TLK2: variants seen among roughly 807,000 people sequenced by gnomAD.
TLK2 encodes the protein serine/threonine-protein kinase tousled-like 2.
Under a neutral mutation model 117.3 loss-of-function variants are expected in TLK2, and 6 were observed. That is an observed-to-expected ratio of 0.05 (90% CI 0.03 to 0.10). The LOEUF (loss-of-function observed/expected upper bound fraction) is 0.10, where lower values mean the gene tolerates loss of function less well. Ranked by LOEUF, TLK2 falls within the 10% of genes least tolerant of loss-of-function variation. The pLI, the probability that TLK2 is intolerant of heterozygous loss-of-function variation, is 1.00. For synonymous variants in TLK2, 257 were observed against 316.7 expected (o/e 0.81, Z 2.00); for missense variants, 299 against 901.2 (o/e 0.33, Z 8.56).
intron 7 of TLK2, among the ~76,000 whole-genome samples, chr17:62,544,412 A>G (rs1485947969): frequency 6.6e-6 from 1 of 152,196 alleles, no homozygotes; most frequent in African/African-American, 2.4e-5. Context: ...GCACTTTTAA[A>G]CCATCAGATC....
chr17:62,495,439 G>A (rs1330879781), intron 2 of TLK2, among the ~76,000 whole-genome samples: 1 of 151,278 alleles, frequency 6.6e-6, no homozygotes, highest in African/African-American at 2.4e-5. Flanking sequence ...TTTTTAGATA[G>A]GGTCTCACTC....
chr17:62,585,309 G>A (rs1432698529), intron 15 of TLK2, among the ~76,000 whole-genome samples: 2 of 152,232 alleles, frequency 1.3e-5, no homozygotes, highest in African/African-American at 4.8e-5. Flanking sequence ...TTGGGAGGCC[G>A]AAGCGGGGCG....
chr17:62,539,065 G>C (rs2077318728), intron 7 of TLK2, among the ~76,000 whole-genome samples: 1 of 152,130 alleles, frequency 6.6e-6, no homozygotes, highest in African/African-American at 2.4e-5. Flanking sequence ...CTTGGTGTAG[G>C]TGATAGTTTA....
chr17:62,606,049 ATATTT>A (rs1194209421), intron 19 of TLK2, 76 bp from the exon 20 acceptor site: 12 of 492,352 alleles, frequency 2.4e-5, no homozygotes, highest in Middle Eastern at 4.7e-4. Context: ...TTTCAACAAG[ATATTT>A]TATTTTGTCT....
At chr17:62,479,838 C>A (rs1413732005) in intron 1 of TLK2, among the ~76,000 whole-genome samples, 1 of 152,216 alleles carries the variant, frequency 6.6e-6, no homozygotes, top group Non-Finnish European at 1.5e-5. Context: ...GGAAGTGTTG[C>A]GAGAGACCTT....
At chr17:62,474,691 G>C (rs551943276), upstream of TLK2, among the ~76,000 whole-genome samples, 13 of 152,010 alleles carry the variant, frequency 8.6e-5, no homozygotes, top group Admixed American at 2.6e-4. Context: ...TACAGGTGTT[G>C]AGCCACCGCG....
chr17:62,490,511 C>G (rs996977471), intron 2 of TLK2, among the ~76,000 whole-genome samples: 5 of 152,088 alleles, frequency 3.3e-5, no homozygotes, highest in Non-Finnish European at 7.4e-5. Context: ...TCCCAGGCCT[C>G]TTAAATTATA....
At chr17:62,535,419 C>G (rs1323667195) in intron 6 of TLK2, among the ~76,000 whole-genome samples, 1 of 152,000 alleles carries the variant, frequency 6.6e-6, no homozygotes. Context: ...ATTTTTGCAT[C>G]TAAATATAGT....
intron 15 of TLK2, among the ~76,000 whole-genome samples, chr17:62,581,166 C>A (rs2081189814): frequency 6.6e-6 from 1 of 151,936 alleles, no homozygotes; most frequent in Non-Finnish European, 1.5e-5. Flanking sequence ...GCCCAGTGCA[C>A]TAATTTTTAA....
chr17:62,538,277 C>G (rs1319510646), intron 7 of TLK2, among the ~76,000 whole-genome samples: 1 of 151,972 alleles, frequency 6.6e-6, no homozygotes, highest in Admixed American at 6.6e-5. Context: ...CCTCGTGATC[C>G]GCCCGCCTCA....
chr17:62,497,037 C>T (rs2073766433), intron 2 of TLK2, among the ~76,000 whole-genome samples: 1 of 151,566 alleles, frequency 6.6e-6, no homozygotes, highest in East Asian at 1.9e-4. Context: ...GCAAGAGGAC[C>T]ATTGAGCCTA....
chr17:62,549,416 A>T lies in TLK2; in HGVS notation c.532-2886A>T, dbSNP rs1598511649. Among the ~76,000 whole-genome samples the T allele has an allele frequency of 8.4e-4, 27 of 31,994 alleles. 2 individuals are homozygous for T. The highest frequency in any genetic ancestry group is 1.1e-3 in the African/African-American group (14 of 12,488). The allele number at this position is 31,994 out of a possible 152,430, so 21.0% of individuals were successfully genotyped here. A position where few individuals can be genotyped will look rare whatever the true frequency, so the allele number is the denominator to read the frequency against. On this transcript the variant is annotated intron_variant, in intron 7 of 21. Coordinates refer to ENST00000346027, the MANE Select transcript of TLK2 (RefSeq NM_006852.6). Reference sequence around the variant, plus strand: ...TCCATCTCAAAAAAAAAAAAAAAAAAAAAAAAAAAAAAAAAAAAAAATAGA... The same window carrying T: ...TCCATCTCAAAAAAAAAAAAAAAAATAAAAAAAAAAAAAAAAAAAAATAGA...
At chr17:62,586,004 A>T in intron 15 of TLK2, 131 bp from the exon 16 acceptor site, 1 of 631,044 alleles carries the variant, frequency 1.6e-6, no homozygotes, top group Non-Finnish European at 2.7e-6. Flanking sequence ...TGCAACACTG[A>T]TATAAGTATG....
intron 7 of TLK2, among the ~76,000 whole-genome samples, chr17:62,545,668 A>G (rs16969308): frequency 0.044 from 6,636 of 152,154 alleles, 156 homozygotes; most frequent in Middle Eastern, 0.11. Flanking sequence ...AGAGGTGGTC[A>G]TTTTTTAGGT....
chr17:62,495,761 C>T (rs368367828), intron 2 of TLK2, among the ~76,000 whole-genome samples: 1 of 151,168 alleles, frequency 6.6e-6, no homozygotes, highest in African/African-American at 2.4e-5. Context: ...CAGGTTCAAG[C>T]GATTCTCCTG....
chr17:62,574,186 T>C (rs1171732711), intron 12 of TLK2, among the ~76,000 whole-genome samples: 1 of 152,216 alleles, frequency 6.6e-6, no homozygotes, highest in Non-Finnish European at 1.5e-5. Context: ...ATTATATTAT[T>C]GTTAAAAGTC....
At chr17:62,587,773 A>G (rs1211398434) in intron 16 of TLK2, among the ~76,000 whole-genome samples, 2 of 152,142 alleles carry the variant, frequency 1.3e-5, no homozygotes, top group East Asian at 1.9e-4. Context: ...TGTAGGGATG[A>G]GTGGCACACC....
Position 62,520,885 on chromosome 17 carries a change from C to T in TLK2, c.153+41C>T, listed in dbSNP as rs200903861. On this transcript the variant is annotated intron_variant, in intron 3 of 21. Transcript: ENST00000346027. ...CATGGCAGGACTTTTCATACTTGTA[C>T]GTTTGGGCCAGGTTTGGTGGCTCAA... 6.8e-4 allele frequency: 1,084 copies of T among 1,605,348 alleles called. 4 individuals are homozygous for T. In the African/African-American group the frequency reaches 8.4e-3, roughly 12 times the overall value.
chr17:62,483,583 A>T (rs1260193572), intron 2 of TLK2, among the ~76,000 whole-genome samples: 1 of 152,106 alleles, frequency 6.6e-6, no homozygotes, highest in Non-Finnish European at 1.5e-5. Context: ...GCTCACCTCA[A>T]CCTCCATCTC....
Sources: gnomAD v4.1 joint callset for allele counts (sites outside exome capture counted in the v4.1 genomes callset) on GRCh38, gnomAD v4.1.1 for gene constraint, MANE v1.5 for transcripts, NCBI Gene and HGNC (gene_info 2026-07-23, HGNC 2026-07-21) for gene names.